The following EYA2 variants were observed in gnomAD, a reference collection of about 807,000 sequenced individuals.
The protein encoded by EYA2 is protein phosphatase EYA2.
Under a neutral mutation model 69.2 loss-of-function variants are expected in EYA2, and 31 were observed. The observed-to-expected ratio is 0.45, with a 90% CI of 0.34 to 0.60. The LOEUF (loss-of-function observed/expected upper bound fraction) is 0.60. Ranked by LOEUF, EYA2 falls within the 20% of genes least tolerant of loss-of-function variation. EYA2 has a pLI of 0.02. For synonymous variants in EYA2, 257 were observed against 279.4 expected, an observed-to-expected ratio of 0.92 and a Z score of 0.80; for missense variants, 622 against 701.2, an observed-to-expected ratio of 0.89 and a Z score of 1.28.
intron 1 of EYA2, among the ~76,000 whole-genome samples, chr20:46,948,819 T>C (rs1041601): frequency 0.031 from 4,795 of 152,340 alleles, 239 homozygotes; most frequent in African/African-American, 0.11. Context: ...CTAAGAGCAC[T>C]GTTCTTCATT....
At chr20:47,137,088 G>A (rs1012137674) in intron 9 of EYA2, among the ~76,000 whole-genome samples, 1 of 151,572 alleles carries the variant, frequency 6.6e-6, no homozygotes, top group Non-Finnish European at 1.5e-5. Flanking sequence ...ACACATTGAA[G>A]CCTGTTTTGG....
At chr20:47,018,004 G>A (rs145322276) in intron 5 of EYA2, among the ~76,000 whole-genome samples, 5 of 152,214 alleles carry the variant, frequency 3.3e-5, no homozygotes, top group Admixed American at 6.5e-5. Context: ...GTCCCCAGTC[G>A]GGCCTTTCTG....
intron 1 of EYA2, among the ~76,000 whole-genome samples, chr20:46,920,774 G>A (rs979154596): frequency 6.6e-6 from 1 of 152,202 alleles, no homozygotes; most frequent in African/African-American, 2.4e-5. Flanking sequence ...GATGTGTCCT[G>A]GGACCTCTCC....
chr20:47,165,012 C>T (rs28410109), intron 10 of EYA2, among the ~76,000 whole-genome samples: 6,320 of 152,242 alleles, frequency 0.042, 160 homozygotes, highest in South Asian at 0.056. Flanking sequence ...GAGATTTCTG[C>T]AATGATAAAA....
chr20:46,989,724 G>C (rs1341700269), intron 1 of EYA2, among the ~76,000 whole-genome samples: 1 of 152,228 alleles, frequency 6.6e-6, no homozygotes, highest in Non-Finnish European at 1.5e-5. Flanking sequence ...ATTGAAGAGA[G>C]ACCAAAATAT....
At chr20:46,932,466 GA>G (rs1985712499) in intron 1 of EYA2, among the ~76,000 whole-genome samples, 1 of 152,206 alleles carries the variant, frequency 6.6e-6, no homozygotes, top group African/African-American at 2.4e-5. Flanking sequence ...ATCTCATCTT[GA>G]ATTGTAATTC....
intron 5 of EYA2, among the ~76,000 whole-genome samples, chr20:47,030,126 G>C (rs1410926729): frequency 6.6e-5 from 10 of 152,204 alleles, no homozygotes; most frequent in African/African-American, 2.4e-4. Flanking sequence ...GCTGAGCTCT[G>C]TGTTCTAGGG....
intron 4 of EYA2, among the ~76,000 whole-genome samples, chr20:47,006,673 A>G (rs1187400195): frequency 6.6e-6 from 1 of 152,168 alleles, no homozygotes; most frequent in Non-Finnish European, 1.5e-5. Flanking sequence ...TGTGGGGCAG[A>G]CAGTGGTCAA....
At chr20:46,989,639 A>G (rs1108254) in intron 1 of EYA2, among the ~76,000 whole-genome samples, 2,482 of 152,270 alleles carry the variant, frequency 0.016, 56 homozygotes, top group African/African-American at 0.056. Context: ...CTAAATCCAA[A>G]CGCTCCCTCT....
chr20:47,144,913 G>A, intron 10 of EYA2, among the ~76,000 whole-genome samples: 1 of 152,212 alleles, frequency 6.6e-6, no homozygotes, highest in Non-Finnish European at 1.5e-5. Context: ...GTTGAATTCA[G>A]TGAGTATTTA....
intron 5 of EYA2, among the ~76,000 whole-genome samples, chr20:47,046,456 G>A (rs1397546044): frequency 1.3e-5 from 2 of 152,208 alleles, no homozygotes; most frequent in Non-Finnish European, 2.9e-5. Flanking sequence ...AAGGATGAAG[G>A]TGTCTGCATC....
chr20:47,026,399 C>A (rs2146389317), intron 5 of EYA2, among the ~76,000 whole-genome samples: 1 of 151,854 alleles, frequency 6.6e-6, no homozygotes, highest in East Asian at 1.9e-4. Context: ...ATCCAAAATC[C>A]ATAAATGAAA....
chr20:47,061,462 T>C (rs1045626976), intron 5 of EYA2, among the ~76,000 whole-genome samples: 3 of 151,918 alleles, frequency 2.0e-5, no homozygotes, highest in African/African-American at 7.3e-5. Context: ...GCCCAGGAAG[T>C]CAAGGCTGCA....
At chr20:47,159,835 C>T (rs57720311) in intron 10 of EYA2, among the ~76,000 whole-genome samples, 2,494 of 152,076 alleles carry the variant, frequency 0.016, 72 homozygotes, top group African/African-American at 0.057. Flanking sequence ...ACTAAAAATA[C>T]AAAAATTAGC....
chr20:46,937,959 T>C (rs1234546157), intron 1 of EYA2, among the ~76,000 whole-genome samples: 1 of 152,208 alleles, frequency 6.6e-6, no homozygotes, highest in Admixed American at 6.5e-5. Flanking sequence ...TTAAGAGCTG[T>C]GTATACATCA....
intron 1 of EYA2, among the ~76,000 whole-genome samples, chr20:46,936,139 A>C (rs1425321129): frequency 6.6e-6 from 1 of 152,178 alleles, no homozygotes; most frequent in Non-Finnish European, 1.5e-5. Flanking sequence ...AGCCTATAGT[A>C]TGTTATTAAC....
intron 1 of EYA2, among the ~76,000 whole-genome samples, chr20:46,912,698 T>TC (rs1342205594): frequency 1.3e-5 from 2 of 150,074 alleles, no homozygotes; most frequent in African/African-American, 4.9e-5. Flanking sequence ...TTTTTTTTTT[T>TC]TTTCTTTTTT....
intron 1 of EYA2, among the ~76,000 whole-genome samples, chr20:46,898,409 AC>A (rs1983921440): frequency 6.6e-6 from 1 of 151,804 alleles, no homozygotes; most frequent in Admixed American, 6.6e-5. Flanking sequence ...ACACACACAC[AC>A]ACACACACAC....
rs141048967 is a variant in EYA2, at chr20:46,970,708, C to T, written c.-10-19293C>T. ...CAGACATTGAAGAAGAAGCAGGCGG[C>T]TCCATGTGTACTGATGTCGAAAACT... On this transcript the variant is annotated intron_variant, in intron 1 of 15. Transcript: ENST00000327619. Among the ~76,000 whole-genome samples the T allele has an allele frequency of 6.1e-3, 924 of 152,256 alleles. 9 individuals are homozygous for T. Among genetic ancestry groups the T allele is most frequent in the African/African-American group, 0.022 (897 of 41,546 alleles).
Sources: gnomAD v4.1 joint callset for allele counts (sites outside exome capture counted in the v4.1 genomes callset) on GRCh38, gnomAD v4.1.1 for gene constraint, MANE v1.5 for transcripts, NCBI Gene and HGNC (gene_info 2026-07-23, HGNC 2026-07-21) for gene names.